The following STK10 variants were observed in gnomAD, a reference collection of about 807,000 sequenced individuals.
STK10 encodes the protein serine/threonine kinase 10, also known as serine/threonine-protein kinase 10.
STK10 carries 78 observed loss-of-function variants against 113.8 expected under a neutral mutation model. The ratio of observed to expected loss-of-function variants is 0.69; its 90% confidence interval spans 0.57 to 0.83. The LOEUF (loss-of-function observed/expected upper bound fraction) is 0.83. STK10 is among the 40% of genes least tolerant of loss of function. The probability of loss-of-function intolerance (pLI) is 0.00; values close to 1 mark genes in which losing one functional copy is unlikely to be tolerated. For synonymous variants in STK10, 465 were observed against 494.7 expected (o/e 0.94, Z 0.80); for missense variants, 1,109 against 1,280.1 (o/e 0.87, Z 2.04).
intron 3 of STK10, among the ~76,000 whole-genome samples, chr5:172,118,840 C>G (rs1242737691): frequency 6.8e-6 from 1 of 146,170 alleles, no homozygotes. Flanking sequence ...GATCGCGCCA[C>G]TGCACTCCAG....
chr5:172,061,305 C>T, intron 13 of STK10, 37 bp from the exon 14 acceptor site: 1 of 1,577,038 alleles, frequency 6.3e-7, no homozygotes, highest in Non-Finnish European at 8.6e-7. Flanking sequence ...TTATCCAGAG[C>T]CGGCTTGGGC....
chr5:172,174,784 C>A (rs1211518366), intron 1 of STK10, among the ~76,000 whole-genome samples: 1 of 152,070 alleles, frequency 6.6e-6, no homozygotes, highest in South Asian at 2.1e-4. Context: ...GCAGGGGACC[C>A]GCCAGCGCAA....
Position 172,044,968 on chromosome 5 carries a change from G to T in STK10, c.2821C>A (p.Leu941Met). ...TTTGGGCACTCCGCCTCCTCGCTCA[G>T]CTTGAAGAACATCTCCTGCTCCCGC... Reference protein sequence around the residue: ...KKREQEMFFKLSEEAECPNPS... With the variant: ...KKREQEMFFKMSEEAECPNPS... Residue 941 changes from leucine (L) to methionine (M), a missense_variant, in exon 19 of 19, where the codon CTG becomes ATG. By Grantham distance (15) the Leu-to-Met change is conservative. Transcript: ENST00000176763. The surrounding 1 kb of genome is among the most constrained non-coding windows in gnomAD (Gnocchi z 4.5). 6.2e-7 allele frequency: 1 copy of T among 1,614,192 alleles called. No homozygotes were observed. Among genetic ancestry groups the T allele is most frequent in the Non-Finnish European group, 8.5e-7 (1 of 1,180,044 alleles).
intron 1 of STK10, among the ~76,000 whole-genome samples, chr5:172,167,304 TA>T (rs760474996): frequency 3.3e-5 from 5 of 152,170 alleles, no homozygotes; most frequent in Non-Finnish European, 7.3e-5. Flanking sequence ...AAGTAACCCT[TA>T]AATGATAAAC....
chr5:172,093,239 TCCCATATTGAA>T lies in STK10; in HGVS notation c.1554+162_1554+172del, dbSNP rs1259101287. On this transcript the variant is annotated intron_variant, in intron 9 of 18. Coordinates refer to ENST00000176763, the MANE Select transcript of STK10 (RefSeq NM_005990.4). The surrounding 1 kb of genome is among the most constrained non-coding windows in gnomAD (Gnocchi z 4.1). ...AAACCAACTGCTTTACATTCCTAAA[TCCCATATTGAA>T]CCCAGATATTTTGGAGATTAAACTA... 1.3e-5 allele frequency among the ~76,000 whole-genome samples: 2 copies of T among 152,164 alleles called. No individual in the cohort carries two copies. Among genetic ancestry groups the T allele is most frequent in the African/African-American group, 2.4e-5 (1 of 41,436 alleles).
At chr5:172,157,080 C>T (rs1227388073) in intron 1 of STK10, among the ~76,000 whole-genome samples, 1 of 152,074 alleles carries the variant, frequency 6.6e-6, no homozygotes, top group East Asian at 1.9e-4. Flanking sequence ...AGAAAAAAAC[C>T]CAAGTCATTG....
intron 2 of STK10, among the ~76,000 whole-genome samples, chr5:172,127,672 C>T (rs780780919): frequency 1.3e-5 from 2 of 152,192 alleles, no homozygotes; most frequent in African/African-American, 2.4e-5. Flanking sequence ...TAAGTTGCTA[C>T]GAAGACCTGA....
intron 1 of STK10, among the ~76,000 whole-genome samples, chr5:172,163,765 C>T (rs1770513016): frequency 6.6e-6 from 1 of 152,154 alleles, no homozygotes; most frequent in Admixed American, 6.5e-5. Context: ...CACTGCCCTC[C>T]CATATCATAA....
In STK10 at chr5:172,044,926, T is replaced by C. The variant is rs1238312190; in HGVS notation, c.2863A>G (p.Lys955Glu). ...AECPNPSTPS[K>E]AAKFFPYSSA... The stretch of plus-strand genomic sequence containing the variant: ...CTGTAGGGGAAGAACTTGGCGGCCT[T>C]GCTTGGGGTGGAGGGGTTTGGGCAC... Residue 955 changes from lysine (K) to glutamate (E), a missense_variant, in exon 19 of 19, where the codon AAG becomes GAG. This residue lies in a region of STK10 where 885 missense variants were observed against 991.1 expected (regional missense o/e 0.89). Coordinates refer to ENST00000176763, the MANE Select transcript of STK10 (RefSeq NM_005990.4). The surrounding 1 kb of genome is among the most constrained non-coding windows in gnomAD (Gnocchi z 4.5). 1.2e-6 allele frequency: 2 copies of C among 1,614,170 alleles called. No individual in the cohort carries two copies. Among genetic ancestry groups the C allele is most frequent in the East Asian group, 2.2e-5 (1 of 44,882 alleles).
At chr5:172,161,783 G>A (rs943695868) in intron 1 of STK10, among the ~76,000 whole-genome samples, 5 of 152,114 alleles carry the variant, frequency 3.3e-5, no homozygotes, top group African/African-American at 1.2e-4. Context: ...CCGAGGCAGA[G>A]TACCCTAGGA....
In STK10 at chr5:172,051,085, GA is replaced by G. The variant is rs1248111517; in HGVS notation, c.2766+1843del. ...CCGAGATAGCGCCACTCCGTCTCAG[GA>G]AAAAAAAAAAAATCCGCTGGTCTTT... On this transcript the variant is annotated intron_variant, in intron 18 of 18. Coordinates refer to ENST00000176763, the MANE Select transcript of STK10 (RefSeq NM_005990.4). Among the ~76,000 whole-genome samples the G allele has an allele frequency of 2.6e-3, 368 of 141,502 alleles. 3 individuals carry two copies. Among genetic ancestry groups the G allele is most frequent in the Admixed American group, 0.013 (182 of 14,216 alleles). 92.8% of individuals were successfully genotyped at this position (141,502 alleles called of 152,430 possible).
At chr5:172,161,656 G>A (rs565698453) in intron 1 of STK10, among the ~76,000 whole-genome samples, 4 of 152,250 alleles carry the variant, frequency 2.6e-5, no homozygotes, top group Admixed American at 2.0e-4. Flanking sequence ...GTGGACCCTT[G>A]ATCCACTCTG....
intron 18 of STK10, among the ~76,000 whole-genome samples, chr5:172,051,085 GAAA>G (rs1248111517): frequency 7.1e-6 from 1 of 141,800 alleles, no homozygotes. Flanking sequence ...TCCGTCTCAG[GAAA>G]AAAAAAAAAA....
intron 12 of STK10, 98 bp from the exon 13 acceptor site, chr5:172,064,910 A>G: frequency 1.5e-6 from 2 of 1,363,390 alleles, no homozygotes; most frequent in Non-Finnish European, 1.0e-6. Context: ...GAGAAACCAA[A>G]GAAGAGGCTC....
chr5:172,053,151 T>C (rs1767668193), intron 17 of STK10, 109 bp from the exon 18 acceptor site: 1 of 789,872 alleles, frequency 1.3e-6, no homozygotes, highest in African/African-American at 1.7e-5. Flanking sequence ...GTTCATTTAT[T>C]ATTTCTTCTT....
chr5:172,136,013 T>C (rs1581172710), intron 2 of STK10, among the ~76,000 whole-genome samples: 1 of 147,820 alleles, frequency 6.8e-6, no homozygotes. Context: ...GGCAACAGAG[T>C]GAGACTCTGT....
chr5:172,151,992 C>T (rs1162790834), intron 2 of STK10, among the ~76,000 whole-genome samples: 2 of 152,250 alleles, frequency 1.3e-5, no homozygotes, highest in African/African-American at 4.8e-5. Context: ...GGAGGTCTGC[C>T]TCCATCTGGT....
At chr5:172,168,998 C>T (rs956566773) in intron 1 of STK10, among the ~76,000 whole-genome samples, 1 of 152,140 alleles carries the variant, frequency 6.6e-6, no homozygotes, top group Non-Finnish European at 1.5e-5. Context: ...TCCCCAGGGT[C>T]CCGCCATTCC....
chr5:172,063,967 G>A (rs916182535), intron 13 of STK10, among the ~76,000 whole-genome samples: 1 of 152,164 alleles, frequency 6.6e-6, no homozygotes, highest in African/African-American at 2.4e-5. Flanking sequence ...TGGGGAGGCC[G>A]GCCAGGGCAC....
Sources: allele counts gnomAD v4.1 joint callset (sites outside exome capture counted in the v4.1 genomes callset), GRCh38; gene constraint gnomAD v4.1.1; regional missense constraint gnomAD v4.1.1; non-coding constraint Gnocchi (gnomAD v3.1); transcripts MANE v1.5; gene names NCBI Gene and HGNC (gene_info 2026-07-23, HGNC 2026-07-21).